Variants in DDX10 observed in about 807,000 individuals in gnomAD.
DDX10 encodes probable ATP-dependent RNA helicase DDX10.
A neutral mutation model predicts 104.3 loss-of-function variants in DDX10; 74 were observed. That is an observed-to-expected ratio of 0.71 (90% CI 0.59 to 0.86). DDX10 has a LOEUF of 0.86. Among genes scored for constraint, DDX10 ranks in the 40% least tolerant of loss-of-function variants. The pLI, the probability that DDX10 is intolerant of heterozygous loss-of-function variation, is 0.00. For synonymous variants in DDX10, 351 were observed against 353.4 expected, an observed-to-expected ratio of 0.99 and a Z score of 0.08; for missense variants, 952 against 1,040.0, an observed-to-expected ratio of 0.92 and a Z score of 1.16.
intron 16 of DDX10, among the ~76,000 whole-genome samples, chr11:108,891,869 A>G (rs1239035417): frequency 1.3e-5 from 2 of 150,704 alleles, no homozygotes; most frequent in African/African-American, 5.0e-5. Flanking sequence ...GTGAAGAGCT[A>G]ACAGGGTAGT....
intron 13 of DDX10, among the ~76,000 whole-genome samples, chr11:108,782,108 C>G (rs1290378080): frequency 2.0e-5 from 3 of 152,156 alleles, no homozygotes; most frequent in African/African-American, 7.2e-5. Context: ...TCTGTTCTTC[C>G]AATTAATTTC....
intron 13 of DDX10, among the ~76,000 whole-genome samples, chr11:108,751,957 C>G (rs1303174127): frequency 2.6e-5 from 4 of 151,994 alleles, no homozygotes; most frequent in Non-Finnish European, 4.4e-5. Flanking sequence ...TGGGAATTAG[C>G]AATATTTTAC....
At chr11:108,704,204 G>A (rs989051910) in intron 9 of DDX10, among the ~76,000 whole-genome samples, 5 of 152,170 alleles carry the variant, frequency 3.3e-5, no homozygotes, top group African/African-American at 1.2e-4. Flanking sequence ...AGAACATTGA[G>A]TGAATGCCTT....
intron 13 of DDX10, among the ~76,000 whole-genome samples, chr11:108,750,101 A>C (rs2094336531): frequency 6.6e-6 from 1 of 152,148 alleles, no homozygotes; most frequent in South Asian, 2.1e-4. Flanking sequence ...GAAAAAAATG[A>C]ATGTTACAGT....
chr11:108,706,237 G>T (rs1055752533), intron 9 of DDX10, among the ~76,000 whole-genome samples: 18 of 152,096 alleles, frequency 1.2e-4, no homozygotes, highest in Non-Finnish European at 2.2e-4. Context: ...CTCCCAAAGT[G>T]CTGGAATTAC....
chr11:108,822,980 G>A (rs780476119), intron 13 of DDX10, among the ~76,000 whole-genome samples: 1 of 152,222 alleles, frequency 6.6e-6, no homozygotes, highest in African/African-American at 2.4e-5. Context: ...GGAGGGTTTG[G>A]AGTTCCAGCC....
intron 16 of DDX10, among the ~76,000 whole-genome samples, chr11:108,875,695 TATA>T (rs1320758835): frequency 6.6e-6 from 1 of 152,190 alleles, no homozygotes; most frequent in Non-Finnish European, 1.5e-5. Flanking sequence ...TAACATCTAA[TATA>T]ATAACTAAGG....
At chr11:108,890,473 G>A (rs1390855260) in intron 16 of DDX10, among the ~76,000 whole-genome samples, 1 of 151,688 alleles carries the variant, frequency 6.6e-6, no homozygotes, top group Non-Finnish European at 1.5e-5. Context: ...AGTCCTCTGA[G>A]TGTTACCTGG....
At chr11:108,841,645 G>A (rs1862640496) in intron 15 of DDX10, among the ~76,000 whole-genome samples, 169 bp downstream of exon 15, 1 of 151,976 alleles carries the variant, frequency 6.6e-6, no homozygotes, top group South Asian at 2.1e-4. Flanking sequence ...TTTGCTGGGG[G>A]AGTCTGTATA....
chr11:108,907,718 A>G (rs1863616206), intron 16 of DDX10, among the ~76,000 whole-genome samples: 1 of 152,154 alleles, frequency 6.6e-6, no homozygotes. Context: ...ATTGTAGGGG[A>G]TCAAAGTTGG....
At chr11:108,730,164 G>A (rs1328391878) in intron 13 of DDX10, 1 of 152,218 alleles carries the variant, frequency 6.6e-6, no homozygotes, top group African/African-American at 2.4e-5. Flanking sequence ...ACAATAGGAT[G>A]TATTTCAGTC....
At chr11:108,680,776 A>G (rs2094233771) in intron 6 of DDX10, among the ~76,000 whole-genome samples, 1 of 152,182 alleles carries the variant, frequency 6.6e-6, no homozygotes, top group Non-Finnish European at 1.5e-5. Context: ...AATAGAGAAA[A>G]TATGAGTATT....
At chr11:108,922,571 G>T (rs1437449575) in intron 17 of DDX10, among the ~76,000 whole-genome samples, 1 of 152,246 alleles carries the variant, frequency 6.6e-6, no homozygotes, top group Middle Eastern at 3.2e-3. Flanking sequence ...CCCCCTCAGG[G>T]AGGGCTGACA....
intron 13 of DDX10, among the ~76,000 whole-genome samples, chr11:108,777,570 A>G (rs1483007359): frequency 1.3e-5 from 2 of 152,158 alleles, no homozygotes; most frequent in African/African-American, 4.8e-5. Flanking sequence ...TGATCCACCC[A>G]CTTCAGCCTC....
chr11:108,772,589 C>A (rs960884541), intron 13 of DDX10, among the ~76,000 whole-genome samples: 1 of 152,224 alleles, frequency 6.6e-6, no homozygotes, highest in Non-Finnish European at 1.5e-5. Flanking sequence ...GCTTCTAGAA[C>A]TTAAAATAAA....
At chr11:108,680,440 C>T (rs2094233230) in intron 6 of DDX10, among the ~76,000 whole-genome samples, 1 of 152,156 alleles carries the variant, frequency 6.6e-6, no homozygotes, top group Non-Finnish European at 1.5e-5. Flanking sequence ...GTTTCAAATT[C>T]CTGAGATCAA....
intron 2 of DDX10, 45 bp downstream of exon 2, chr11:108,673,572 AT>A: frequency 7.1e-7 from 1 of 1,404,128 alleles, no homozygotes; most frequent in South Asian, 1.2e-5. Context: ...ATTTCTTGGC[AT>A]TTTTGATAAA....
intron 16 of DDX10, among the ~76,000 whole-genome samples, chr11:108,862,493 A>T (rs1454663598): frequency 1.3e-5 from 2 of 152,234 alleles, no homozygotes; most frequent in Non-Finnish European, 2.9e-5. Flanking sequence ...TATGAAAGCT[A>T]TGAAAGACAA....
intron 16 of DDX10, among the ~76,000 whole-genome samples, chr11:108,866,393 C>G (rs1409402497): frequency 6.6e-6 from 1 of 152,072 alleles, no homozygotes; most frequent in Non-Finnish European, 1.5e-5. Flanking sequence ...TTTGTTTGCA[C>G]TGTGTGGTTT....
Sources: allele counts gnomAD v4.1 joint callset (sites outside exome capture counted in the v4.1 genomes callset), GRCh38; gene constraint gnomAD v4.1.1; transcripts MANE v1.5; gene names NCBI Gene and HGNC (gene_info 2026-07-23, HGNC 2026-07-21).